The following TENM3 variants were observed in gnomAD, a reference collection of about 807,000 sequenced individuals.
The protein encoded by TENM3 is teneurin transmembrane protein 3, also known as teneurin-3.
In TENM3, 63 loss-of-function variants were observed where a neutral mutation model predicts 255.1. That is an observed-to-expected ratio of 0.25 (90% CI 0.20 to 0.30). The LOEUF (loss-of-function observed/expected upper bound fraction) is 0.30. TENM3 is among the 10% of genes least tolerant of loss of function. The pLI is 1.00. For missense variants in TENM3, 2,929 were observed against 3,461.1 expected, an observed-to-expected ratio of 0.85 and a Z score of 3.86; for synonymous variants, 1,306 against 1,322.3, an observed-to-expected ratio of 0.99 and a Z score of 0.27.
the TENM3 span, among the ~76,000 whole-genome samples, chr4:181,605,522 G>GAAAA: frequency 5.5e-5 from 1 of 18,300 alleles, no homozygotes; most frequent in African/African-American, 1.3e-4. Context: ...AAGAAAGAAA[G>GAAAA]AAAGAAAGAA....
chr4:181,846,201 C>G, the TENM3 span, among the ~76,000 whole-genome samples: 19 of 152,014 alleles, frequency 1.2e-4, no homozygotes, highest in African/African-American at 4.6e-4. Context: ...ATTCATAAGT[C>G]ATTTGGAGTT....
chr4:182,271,261 C>A (rs965880119), intron 1 of TENM3, among the ~76,000 whole-genome samples: 3 of 152,164 alleles, frequency 2.0e-5, no homozygotes, highest in Non-Finnish European at 2.9e-5. Context: ...CAGTTCAAAG[C>A]CTAACCACCC....
the TENM3 span, among the ~76,000 whole-genome samples, chr4:181,531,949 G>A: frequency 6.6e-6 from 1 of 152,208 alleles, no homozygotes; most frequent in Non-Finnish European, 1.5e-5. Context: ...CAGTTGCAGG[G>A]CTCGCTTCGC....
At chr4:182,516,283 G>C (rs1321732537) in intron 3 of TENM3, among the ~76,000 whole-genome samples, 1 of 152,158 alleles carries the variant, frequency 6.6e-6, no homozygotes, top group Non-Finnish European at 1.5e-5. Flanking sequence ...ACAGGCTTTT[G>C]ATTATTATTC....
chr4:181,670,735 C>T, the TENM3 span, among the ~76,000 whole-genome samples: 8 of 152,290 alleles, frequency 5.3e-5, no homozygotes, highest in Admixed American at 2.0e-4. Context: ...ATTAGAAGTA[C>T]TGTGTCTGTC....
At chr4:182,199,787 G>A (rs1380400731) in intron 1 of TENM3, among the ~76,000 whole-genome samples, 5 of 146,846 alleles carry the variant, frequency 3.4e-5, no homozygotes, top group Admixed American at 6.9e-5. Flanking sequence ...GTGCAGTGGC[G>A]CAATCACAGC....
At chr4:182,421,178 A>C (rs1422969088) in intron 3 of TENM3, among the ~76,000 whole-genome samples, 1 of 152,146 alleles carries the variant, frequency 6.6e-6, no homozygotes, top group Non-Finnish European at 1.5e-5. Context: ...ATCTGTCTTC[A>C]TTGTCCTCAC....
chr4:182,644,097 A>C (rs1277482273), intron 5 of TENM3, among the ~76,000 whole-genome samples: 1 of 152,180 alleles, frequency 6.6e-6, no homozygotes, highest in Non-Finnish European at 1.5e-5. Context: ...CTGGTGGCAC[A>C]CACCACCTTC....
the TENM3 span, among the ~76,000 whole-genome samples, chr4:181,852,292 A>C: frequency 6.6e-6 from 1 of 152,204 alleles, no homozygotes; most frequent in Admixed American, 6.5e-5. Flanking sequence ...TAATGTCAGA[A>C]ACCTTAACGT....
chr4:182,584,922 G>A (rs899712107), intron 3 of TENM3, among the ~76,000 whole-genome samples: 3 of 152,130 alleles, frequency 2.0e-5, no homozygotes, highest in African/African-American at 7.2e-5. Flanking sequence ...GATTACAGGC[G>A]TGAGCCACCG....
chr4:181,629,401 C>T, the TENM3 span, among the ~76,000 whole-genome samples: 1 of 152,176 alleles, frequency 6.6e-6, no homozygotes, highest in Non-Finnish European at 1.5e-5. Flanking sequence ...GAGAGCGCAT[C>T]CCTGTCTTGT....
At chr4:181,940,523 T>G in the TENM3 span, among the ~76,000 whole-genome samples, 1 of 152,154 alleles carries the variant, frequency 6.6e-6, no homozygotes, top group African/African-American at 2.4e-5. Context: ...ATAAATAAAC[T>G]ATATAACATA....
intron 13 of TENM3, among the ~76,000 whole-genome samples, chr4:182,721,695 A>G (rs982258685): frequency 3.3e-5 from 5 of 152,204 alleles, no homozygotes; most frequent in African/African-American, 7.2e-5. Flanking sequence ...CACTTCATCA[A>G]TCTGAAGGTG....
the TENM3 span, among the ~76,000 whole-genome samples, chr4:181,504,962 C>A: frequency 2.0e-3 from 304 of 152,286 alleles, 1 homozygote; most frequent in African/African-American, 6.9e-3. Flanking sequence ...ACAGAGCCTG[C>A]GACACTGGCC....
chr4:181,732,021 G>T, the TENM3 span, among the ~76,000 whole-genome samples: 1 of 152,070 alleles, frequency 6.6e-6, no homozygotes, highest in Non-Finnish European at 1.5e-5. Flanking sequence ...AATGCAAAAG[G>T]AATCTAAAAC....
intron 19 of TENM3, among the ~76,000 whole-genome samples, chr4:182,751,229 T>C (rs570386617): frequency 6.6e-6 from 1 of 152,318 alleles, no homozygotes; most frequent in Admixed American, 6.5e-5. Context: ...CTCATTTTAA[T>C]ATTTAACCCC....
At chr4:181,611,739 C>A in the TENM3 span, among the ~76,000 whole-genome samples, 19 of 152,190 alleles carry the variant, frequency 1.2e-4, no homozygotes, top group Non-Finnish European at 2.2e-4. Flanking sequence ...GCACTCAGGG[C>A]TACTAGAGAT....
chr4:182,420,542 A>T (rs1770753093), intron 3 of TENM3, among the ~76,000 whole-genome samples: 1 of 152,228 alleles, frequency 6.6e-6, no homozygotes, highest in Non-Finnish European at 1.5e-5. Context: ...CCTTTATCAG[A>T]CTAAAAATAG....
At chr4:182,258,440 A>G (rs368601033) in intron 1 of TENM3, among the ~76,000 whole-genome samples, 1 of 152,230 alleles carries the variant, frequency 6.6e-6, no homozygotes. Context: ...ATGTCAGTAC[A>G]TACAAACGCT....
Sources: gnomAD v4.1 joint callset for allele counts (sites outside exome capture counted in the v4.1 genomes callset) on GRCh38, gnomAD v4.1.1 for gene constraint, MANE v1.5 for transcripts, NCBI Gene and HGNC (gene_info 2026-07-23, HGNC 2026-07-21) for gene names.